P2RX4: variants seen among roughly 807,000 people sequenced by gnomAD.
P2RX4 encodes the protein purinergic receptor P2X 4.
Under a neutral mutation model 48.0 loss-of-function variants are expected in P2RX4, and 37 were observed. The observed-to-expected ratio is 0.77, with a 90% CI of 0.59 to 1.01. The LOEUF (loss-of-function observed/expected upper bound fraction) is 1.01, where lower values mean the gene tolerates loss of function less well. Ranked by LOEUF, P2RX4 falls within the 50% of genes least tolerant of loss-of-function variation. The pLI is 0.00. For synonymous variants in P2RX4, 200 were observed against 199.7 expected (o/e 1.00, Z -0.01); for missense variants, 501 against 521.4 (o/e 0.96, Z 0.38).
chr12:121,212,559 G>C (rs540936154), intron 1 of P2RX4, among the ~76,000 whole-genome samples: 3 of 149,402 alleles, frequency 2.0e-5, no homozygotes, highest in Admixed American at 1.3e-4. Flanking sequence ...AGGCCGAGGC[G>C]GGTGGATCAC....
intron 1 of P2RX4, among the ~76,000 whole-genome samples, chr12:121,211,740 T>C (rs1209827323): frequency 1.3e-5 from 2 of 151,872 alleles, no homozygotes; most frequent in African/African-American, 4.8e-5. Flanking sequence ...AGTGGTGCAA[T>C]CTTGGCTCGC....
intron 5 of P2RX4, among the ~76,000 whole-genome samples, chr12:121,225,181 T>TA (rs2136235172): frequency 6.6e-6 from 1 of 151,462 alleles, no homozygotes; most frequent in South Asian, 2.1e-4. Flanking sequence ...CAAGTGATTC[T>TA]CCTGCCTCAG....
intron 8 of P2RX4, among the ~76,000 whole-genome samples, chr12:121,231,447 C>A (rs1468956887): frequency 1.3e-5 from 2 of 152,180 alleles, no homozygotes; most frequent in African/African-American, 4.8e-5. Flanking sequence ...AGAAACCCTG[C>A]ACCCTTCTGT....
intron 11 of P2RX4, 182 bp from the exon 12 acceptor site, chr12:121,233,341 G>A: frequency 1.5e-6 from 1 of 669,060 alleles, no homozygotes; most frequent in East Asian, 2.7e-5. Flanking sequence ...GATAATGCAT[G>A]CTCTGAGAAT....
intron 11 of P2RX4, 22 bp from the exon 12 acceptor site, chr12:121,233,501 C>T: frequency 1.2e-6 from 2 of 1,603,410 alleles, no homozygotes; most frequent in Non-Finnish European, 1.7e-6. Flanking sequence ...GCACCTTGAT[C>T]TGCTTGTGTC....
At position 121,210,215 on chromosome 12, in the gene P2RX4, G is replaced by T. The variant is rs766054557; in HGVS notation, c.51G>T (p.Thr17=). Residue 17 remains threonine, a synonymous_variant, in exon 1 of 12, where the codon ACG becomes ACT. Coordinates refer to ENST00000337233, the MANE Select transcript of P2RX4 (RefSeq NM_002560.3). The part of the protein sequence containing the change: ...ALAAFLFEYD[T]PRIVLIRSRK... Reference sequence around the variant, plus strand: ...CGGCCTTCCTGTTCGAGTACGACACGCCGCGCATCGTGCTCATCCGCAGCC... The same window carrying T: ...CGGCCTTCCTGTTCGAGTACGACACTCCGCGCATCGTGCTCATCCGCAGCC... 109 of 1,556,760 alleles carry T rather than the reference G, an allele frequency of 7.0e-5. No homozygotes were observed. The highest frequency in any genetic ancestry group is 9.4e-5 in the Non-Finnish European group (109 of 1,156,570).
At chr12:121,219,019 CAACT>C (rs1270888018) in intron 2 of P2RX4, among the ~76,000 whole-genome samples, 1 of 152,010 alleles carries the variant, frequency 6.6e-6, no homozygotes, top group African/African-American at 2.4e-5. Flanking sequence ...AGCAAGACCC[CAACT>C]CTAAAAGAGA....
At chr12:121,224,961 T>C (rs181708894) in intron 5 of P2RX4, among the ~76,000 whole-genome samples, 1 of 152,294 alleles carries the variant, frequency 6.6e-6, no homozygotes, top group African/African-American at 2.4e-5. Context: ...CACAGAGCTG[T>C]GCTCTCCAAC....
At chr12:121,216,279 C>G (rs1300686621) in intron 1 of P2RX4, 2 of 152,552 alleles carry the variant, frequency 1.3e-5, no homozygotes, top group Middle Eastern at 3.4e-3. Context: ...GGCTTGAGTT[C>G]AAATCCTGAC....
Position 121,225,691 on chromosome 12 carries a change from G to A in P2RX4, c.524+2648G>A, listed in dbSNP as rs557395575. Among the ~76,000 whole-genome samples, 16 of 152,180 alleles carry A rather than the reference G, an allele frequency of 1.1e-4. No individual in the cohort carries two copies. In the East Asian group the frequency reaches 2.1e-3, roughly 20 times the overall value. On this transcript the variant is annotated intron_variant, in intron 5 of 11. Coordinates refer to ENST00000337233, the MANE Select transcript of P2RX4 (RefSeq NM_002560.3). The stretch of plus-strand genomic sequence containing the variant: ...CTCCCAAAGTGCTGGGATTGCACGC[G>A]TGAGTCACCACGCCCGGCCCTGAAT...
chr12:121,221,166 T>TTGTGTGTGTGTGTGTGTGTGTGTGTG (rs71079040), intron 2 of P2RX4, among the ~76,000 whole-genome samples: 2 of 100,860 alleles, frequency 2.0e-5, no homozygotes, highest in Non-Finnish European at 4.3e-5. Flanking sequence ...CTGTGTGTGT[T>TTGTGTGTGTGTGTGTGTGTGTGTGTG]TGTGTGTGTG....
chr12:121,232,667 G>A lies in P2RX4; in HGVS notation c.1035G>A (p.Leu345=). 6.2e-7 allele frequency: 1 copy of A among 1,613,384 alleles called. No homozygotes were observed. The highest frequency in any genetic ancestry group is 8.5e-7 in the Non-Finnish European group (1 of 1,179,364). ...TCAACATCGGCTCTGGCCTGGCACT[G>A]CTAGGCATGGTGAGTGGTTTAGGCC... ...TMINIGSGLA[L]LGMATVLCDI... The change falls in exon 10 of 12, where the codon CTG becomes CTA. Residue 345 remains leucine (L), a synonymous_variant. Transcript: ENST00000337233. The surrounding 1 kb of genome is among the most constrained non-coding windows in gnomAD (Gnocchi z 4.3).
intron 2 of P2RX4, 112 bp from the exon 3 acceptor site, chr12:121,221,801 C>T (rs1051610234): frequency 9.8e-6 from 8 of 818,900 alleles, no homozygotes; most frequent in South Asian, 2.9e-5. Context: ...TGGGAGAGAG[C>T]GGGAGAGCAC....
intron 2 of P2RX4, among the ~76,000 whole-genome samples, chr12:121,219,615 G>GGATGGATGGATGGATAGATA (rs1341119480): frequency 1.4e-5 from 2 of 140,532 alleles, no homozygotes; most frequent in African/African-American, 5.6e-5. Context: ...ATGGATGGAT[G>GGATGGATGGATGGATAGATA]GATAGATAGA....
rs1390172460 is a variant in P2RX4 at position 121,217,286 on chromosome 12, G to C, written c.282+5G>C. 1 of 1,613,788 alleles carries C rather than the reference G, an allele frequency of 6.2e-7. No individual in the cohort carries two copies. The highest frequency in any genetic ancestry group is 1.3e-5 in the African/African-American group (1 of 75,058). On this transcript the variant is annotated splice_donor_5th_base_variant and intron_variant, in intron 2 of 11. Transcript: ENST00000337233. The stretch of plus-strand genomic sequence containing the variant: ...GATTATGTGATACCAGCTCAGGTGT[G>C]TCTCCCACTGTGTCTTCTGTCTAAC...
At chr12:121,228,476 G>T in intron 5 of P2RX4, 57 bp from the exon 6 acceptor site, 3 of 977,152 alleles carry the variant, frequency 3.1e-6, no homozygotes, top group South Asian at 2.9e-5. Context: ...TATATAACAT[G>T]GTTATGTGAG....
intron 2 of P2RX4, among the ~76,000 whole-genome samples, chr12:121,219,028 AAG>A (rs1886401179): frequency 6.6e-6 from 1 of 152,136 alleles, no homozygotes; most frequent in African/African-American, 2.4e-5. Context: ...CCAACTCTAA[AAG>A]AGAGAGAAAG....
intron 5 of P2RX4, 82 bp from the exon 6 acceptor site, chr12:121,228,447 ATATG>A (rs1887128656): frequency 3.0e-6 from 2 of 666,502 alleles, no homozygotes; most frequent in African/African-American, 3.7e-5. Flanking sequence ...ATACATATAT[ATATG>A]TGTGTATATA....
chr12:121,217,762 TA>T (rs113432941), intron 2 of P2RX4, among the ~76,000 whole-genome samples: 701 of 52,372 alleles, frequency 0.013, 3 homozygotes, highest in Non-Finnish European at 0.02. Flanking sequence ...CCCATCTCTA[TA>T]AAAAAAAAAA....
Sources: gnomAD v4.1 joint callset for allele counts (sites outside exome capture counted in the v4.1 genomes callset) on GRCh38, gnomAD v4.1.1 for gene constraint, Gnocchi (gnomAD v3.1) non-coding constraint, MANE v1.5 for transcripts, NCBI Gene and HGNC (gene_info 2026-07-23, HGNC 2026-07-21) for gene names.